The following ADAM23 variants were observed in gnomAD, a reference collection of about 807,000 sequenced individuals.
The protein encoded by ADAM23 is disintegrin and metalloproteinase domain-containing protein 23.
Under a neutral mutation model 120.1 loss-of-function variants are expected in ADAM23, and 33 were observed. The ratio of observed to expected loss-of-function variants is 0.27; its 90% CI spans 0.21 to 0.37. The LOEUF is 0.37. Ranked by LOEUF, ADAM23 falls within the 10% of genes least tolerant of loss-of-function variation. The pLI is 1.00. For missense variants in ADAM23, 862 were observed against 1,058.2 expected (o/e 0.81, Z 2.57); for synonymous variants, 367 against 375.2 (o/e 0.98, Z 0.25).
rs115697971 is a variant in ADAM23 at position 206,586,254 on chromosome 2, G to A, written c.1738-1071G>A. 3.3e-3 allele frequency among the ~76,000 whole-genome samples: 504 copies of A among 152,300 alleles called. 3 individuals are homozygous for A. Among genetic ancestry groups the A allele is most frequent in the African/African-American group, 0.011 (473 of 41,554 alleles). On this transcript the variant is annotated intron_variant, in intron 18 of 25. Transcript: ENST00000264377. ...GTGATTTGGTATTTACCTTTTTAAA[G>A]AGATCACTCTGATAGCAATGTAAAC... is the stretch of plus-strand genomic sequence containing the variant.
At position 206,444,047 on chromosome 2, in the gene ADAM23, C is replaced by A. The variant is rs1256614044; in HGVS notation, c.181C>A (p.Arg61=). 3.6e-6 allele frequency: 5 copies of A among 1,402,514 alleles called. No individual in the cohort carries two copies. The highest frequency in any genetic ancestry group is 4.6e-6 in the Non-Finnish European group (5 of 1,075,390). 86.9% of individuals were successfully genotyped at this position (1,402,514 alleles called of 1,614,324 possible). ...LLLPPLAASS[R]PRAWGAAAPS... is the part of the protein sequence containing the mutation. The stretch of plus-strand genomic sequence containing the variant: ...GCTGCCTCCGCTCGCCGCCTCGTCC[C>A]GGCCCCGCGCCTGGGGGGCTGCTGC... Residue 61 remains arginine (R), a synonymous_variant, in exon 1 of 26, where the codon CGG becomes AGG. Coordinates refer to ENST00000264377, the MANE Select transcript of ADAM23 (RefSeq NM_003812.4).
chr2:206,602,188 A>G (rs1698651433), intron 24 of ADAM23, among the ~76,000 whole-genome samples: 1 of 152,192 alleles, frequency 6.6e-6, no homozygotes, highest in Admixed American at 6.5e-5. Context: ...CAATGGCCTT[A>G]TCAATAACCC....
intron 2 of ADAM23, 64 bp from the exon 3 acceptor site, chr2:206,481,168 G>C (rs942031814): frequency 4.0e-6 from 5 of 1,265,540 alleles, no homozygotes; most frequent in Middle Eastern, 1.9e-4. Flanking sequence ...TATCATTCTT[G>C]ATAATAATCT....
At chr2:206,591,740 G>A (rs1170171209) in intron 21 of ADAM23, among the ~76,000 whole-genome samples, 1 of 152,106 alleles carries the variant, frequency 6.6e-6, no homozygotes, top group Non-Finnish European at 1.5e-5. Context: ...TTCTAAAATG[G>A]CTGAACTAGT....
chr2:206,445,545 G>A, intron 2 of ADAM23, 21 bp downstream of exon 2: 2 of 1,586,270 alleles, frequency 1.3e-6, no homozygotes, highest in Non-Finnish European at 1.7e-6. Context: ...GGCTGGCTAT[G>A]CAAAAGTAAC....
intron 2 of ADAM23, among the ~76,000 whole-genome samples, chr2:206,477,271 A>T (rs1354624702): frequency 6.6e-6 from 1 of 152,226 alleles, no homozygotes; most frequent in East Asian, 1.9e-4. Context: ...ACAAAAGCAC[A>T]TTGCTAAGAC....
At chr2:206,460,853 G>A (rs1183882030) in intron 2 of ADAM23, among the ~76,000 whole-genome samples, 1 of 152,112 alleles carries the variant, frequency 6.6e-6, no homozygotes. Flanking sequence ...GTTTCCTGCT[G>A]AGTTTAGTCA....
rs372967162 is a variant in ADAM23 at position 206,544,858 on chromosome 2, C to T, written c.720+1542C>T. 2.2e-4 allele frequency among the ~76,000 whole-genome samples: 34 copies of T among 152,012 alleles called. No individual in the cohort carries two copies. In the South Asian group the frequency reaches 4.6e-3, roughly 21 times the overall value. ...TAAATTTTTTATACATACACAGTTC[C>T]GGGAAGTCCACCAAGAGAAGACAAG... On this transcript the variant is annotated intron_variant, in intron 6 of 25. Coordinates refer to ENST00000264377, the MANE Select transcript of ADAM23 (RefSeq NM_003812.4).
chr2:206,481,842 T>C (rs1039514868), intron 3 of ADAM23, among the ~76,000 whole-genome samples: 9 of 152,232 alleles, frequency 5.9e-5, no homozygotes, highest in Non-Finnish European at 1.2e-4. Context: ...TTTGTTGATA[T>C]TTAAATGCTG....
At chr2:206,570,842 C>T (rs748171082) in intron 16 of ADAM23, 31 bp downstream of exon 16, 3 of 1,583,038 alleles carry the variant, frequency 1.9e-6, no homozygotes, top group Non-Finnish European at 1.7e-6. Flanking sequence ...ATACTTACAG[C>T]ACAGATCTTA....
intron 9 of ADAM23, among the ~76,000 whole-genome samples, chr2:206,554,565 T>C (rs1462195811): frequency 6.6e-6 from 1 of 152,224 alleles, no homozygotes; most frequent in African/African-American, 2.4e-5. Context: ...CTACATTTTA[T>C]ATACACCTAA....
At chr2:206,614,355 T>C (rs1559290293) in intron 25 of ADAM23, among the ~76,000 whole-genome samples, 1 of 152,172 alleles carries the variant, frequency 6.6e-6, no homozygotes, top group East Asian at 1.9e-4. Context: ...ATATCTAGAC[T>C]ATTACCAGCA....
chr2:206,502,816 A>G (rs1002907267), intron 3 of ADAM23, among the ~76,000 whole-genome samples: 17 of 152,280 alleles, frequency 1.1e-4, no homozygotes, highest in African/African-American at 2.9e-4. Flanking sequence ...GTGTTATGCT[A>G]TAGATCTCTA....
intron 3 of ADAM23, among the ~76,000 whole-genome samples, chr2:206,511,559 C>T (rs1696623814): frequency 6.6e-6 from 1 of 152,144 alleles, no homozygotes; most frequent in Non-Finnish European, 1.5e-5. Context: ...GTGCATCCCT[C>T]CCTAGGGGCA....
At chr2:206,481,342 G>A in intron 3 of ADAM23, 34 bp downstream of exon 3, 1 of 1,489,660 alleles carries the variant, frequency 6.7e-7, no homozygotes. Flanking sequence ...TTAAGAAGCA[G>A]GTGCAATAAA....
At chr2:206,475,148 G>A (rs1011813223) in intron 2 of ADAM23, among the ~76,000 whole-genome samples, 1 of 152,114 alleles carries the variant, frequency 6.6e-6, no homozygotes, top group Non-Finnish European at 1.5e-5. Flanking sequence ...TGTACCAATT[G>A]CATGGGGTGC....
chr2:206,559,915 A>C, intron 10 of ADAM23, 40 bp from the exon 11 acceptor site: 2 of 1,569,324 alleles, frequency 1.3e-6, no homozygotes. Flanking sequence ...TGTTTGACCC[A>C]GTGTTTTCCT....
intron 25 of ADAM23, 48 bp from the exon 26 acceptor site, chr2:206,617,531 G>T: frequency 1.3e-6 from 2 of 1,558,006 alleles, no homozygotes; most frequent in Non-Finnish European, 1.7e-6. Context: ...GATTAATATT[G>T]TGGATTTTCC....
intron 24 of ADAM23, among the ~76,000 whole-genome samples, chr2:206,599,630 G>A (rs529923691): frequency 1.1e-4 from 17 of 152,172 alleles, no homozygotes; most frequent in East Asian, 5.8e-4. Context: ...TGTGCTTTTC[G>A]TTTTATTCAG....
Sources: allele counts gnomAD v4.1 joint callset (sites outside exome capture counted in the v4.1 genomes callset), GRCh38; gene constraint gnomAD v4.1.1; transcripts MANE v1.5; gene names NCBI Gene and HGNC (gene_info 2026-07-23, HGNC 2026-07-21).